TSPAN9: variants seen among roughly 807,000 people sequenced by gnomAD.
TSPAN9 encodes tetraspanin-9.
A neutral mutation model predicts 31.0 loss-of-function variants in TSPAN9; 16 were observed. The ratio of observed to expected loss-of-function variants is 0.52; its 90% CI spans 0.35 to 0.78. The LOEUF is 0.78. Ranked by LOEUF, TSPAN9 falls within the 30% of genes least tolerant of loss-of-function variation. The pLI is 0.01. For missense variants in TSPAN9, 272 were observed against 312.5 expected, an observed-to-expected ratio of 0.87 and a Z score of 0.98; for synonymous variants, 145 against 121.6, an observed-to-expected ratio of 1.19 and a Z score of -1.27.
At chr12:3,202,623 A>T (rs2098372599) in intron 3 of TSPAN9, among the ~76,000 whole-genome samples, 1 of 151,842 alleles carries the variant, frequency 6.6e-6, no homozygotes, top group Non-Finnish European at 1.5e-5. Flanking sequence ...TCCTCACGTC[A>T]CTAGTTACAT....
rs1863001946 is a variant in TSPAN9 at position 3,285,689 on chromosome 12, C to G, written c.*2573C>G. ...TGTGATCTCACTGGGGTAGAATTCC[C>G]CTGAGAGAATTCCCTCACTCACGGC... On this transcript the variant is annotated 3_prime_UTR_variant, in exon 9 of 9. Coordinates refer to ENST00000011898, the MANE Select transcript of TSPAN9 (RefSeq NM_006675.5). The G allele has an allele frequency of 6.6e-6, 1 of 152,226 alleles. No homozygotes were observed. Among genetic ancestry groups the G allele is most frequent in the Non-Finnish European group, 1.5e-5 (1 of 68,050 alleles). 9.4% of individuals were successfully genotyped at this position (152,226 alleles called of 1,614,324 possible). A position where few individuals can be genotyped will look rare whatever the true frequency, so the allele number is the denominator to read the frequency against.
intron 2 of TSPAN9, among the ~76,000 whole-genome samples, chr12:3,112,177 CT>C (rs138645701): frequency 0.45 from 51,318 of 115,210 alleles, 9,842 homozygotes; most frequent in African/African-American, 0.53. Flanking sequence ...TGTAATGTTC[CT>C]TTTTTTTTTT....
chr12:3,247,251 G>A (rs1480100550), intron 3 of TSPAN9, among the ~76,000 whole-genome samples: 1 of 151,004 alleles, frequency 6.6e-6, no homozygotes, highest in African/African-American at 2.4e-5. Flanking sequence ...GAGTCAGAGA[G>A]AGGAGCTGCG....
intron 3 of TSPAN9, among the ~76,000 whole-genome samples, chr12:3,258,098 A>G (rs1486373078): frequency 6.6e-6 from 1 of 152,166 alleles, no homozygotes; most frequent in Non-Finnish European, 1.5e-5. Context: ...ACTCATGGGC[A>G]GTGGGTGCCA....
intron 2 of TSPAN9, among the ~76,000 whole-genome samples, chr12:3,177,459 G>T (rs2098356393): frequency 6.6e-6 from 1 of 152,120 alleles, no homozygotes; most frequent in South Asian, 2.1e-4. Flanking sequence ...TTGAGATGGA[G>T]TCTCGCTCTG....
intron 2 of TSPAN9, among the ~76,000 whole-genome samples, chr12:3,148,550 G>A (rs563247567): frequency 1.1e-4 from 17 of 152,328 alleles, no homozygotes; most frequent in Admixed American, 9.1e-4. Context: ...GAGCGTGGCC[G>A]TGGTTGTGTG....
At chr12:3,204,962 C>T (rs1048907292) in intron 3 of TSPAN9, among the ~76,000 whole-genome samples, 5 of 152,122 alleles carry the variant, frequency 3.3e-5, no homozygotes, top group African/African-American at 7.2e-5. Flanking sequence ...GCAAAGGAGA[C>T]TCGGAGCTTC....
At chr12:3,210,269 AGAT>A (rs1380626105) in intron 3 of TSPAN9, among the ~76,000 whole-genome samples, 9 of 152,186 alleles carry the variant, frequency 5.9e-5, no homozygotes, top group African/African-American at 9.7e-5. Context: ...CACCTTTCCT[AGAT>A]AATGCCAGAT....
At chr12:3,157,661 G>A (rs567796213) in intron 2 of TSPAN9, among the ~76,000 whole-genome samples, 17 of 152,284 alleles carry the variant, frequency 1.1e-4, no homozygotes, top group Admixed American at 7.8e-4. Context: ...ACCTACAGAG[G>A]TCATCTGTCC....
intron 2 of TSPAN9, among the ~76,000 whole-genome samples, chr12:3,136,126 G>A (rs552980454): frequency 1.3e-5 from 2 of 152,322 alleles, no homozygotes; most frequent in South Asian, 4.2e-4. Context: ...AAGAGCAAGG[G>A]CATGCTGCAC....
chr12:3,266,951 A>G (rs1470810169), intron 3 of TSPAN9, among the ~76,000 whole-genome samples: 1 of 152,106 alleles, frequency 6.6e-6, no homozygotes, highest in Non-Finnish European at 1.5e-5. Flanking sequence ...CCTGATACCT[A>G]TTTGTGTAAT....
intron 2 of TSPAN9, among the ~76,000 whole-genome samples, chr12:3,084,598 T>A (rs1430350492): frequency 6.6e-6 from 1 of 152,210 alleles, no homozygotes; most frequent in Non-Finnish European, 1.5e-5. Context: ...ACGTTATACT[T>A]AGGATGCCAG....
intron 2 of TSPAN9, among the ~76,000 whole-genome samples, chr12:3,127,773 T>C (rs1258784967): frequency 6.6e-6 from 1 of 152,208 alleles, no homozygotes; most frequent in Non-Finnish European, 1.5e-5. Context: ...GTACTGTCCA[T>C]AATTGTATGT....
intron 1 of TSPAN9, among the ~76,000 whole-genome samples, chr12:3,081,844 G>GTGTGTGTGTATATATATATATATA (rs57812985): frequency 2.1e-4 from 24 of 116,726 alleles, no homozygotes; most frequent in East Asian, 1.8e-3. Context: ...GTCTGTGTGT[G>GTGTGTGTGTATATATATATATATA]TATATATATG....
At chr12:3,226,763 TATATATATATATATATA>T (rs2098387779) in intron 3 of TSPAN9, among the ~76,000 whole-genome samples, 2 of 2,294 alleles carry the variant, frequency 8.7e-4, no homozygotes, top group Non-Finnish European at 9.4e-4. Context: ...TATATATATA[TATATATATATATATATA>T]TATATATATA....
At chr12:3,109,399 A>C (rs1173813476) in intron 2 of TSPAN9, among the ~76,000 whole-genome samples, 1 of 151,638 alleles carries the variant, frequency 6.6e-6, no homozygotes, top group African/African-American at 2.4e-5. Flanking sequence ...AAGTCTTTAC[A>C]TTTTGAGTGA....
chr12:3,238,298 T>C (rs1421431321), intron 3 of TSPAN9, among the ~76,000 whole-genome samples: 3 of 152,194 alleles, frequency 2.0e-5, no homozygotes, highest in Non-Finnish European at 4.4e-5. Flanking sequence ...TGAGCAACTT[T>C]GACCTGGCTG....
intron 2 of TSPAN9, among the ~76,000 whole-genome samples, chr12:3,091,345 G>T (rs139450255): frequency 6.6e-6 from 1 of 152,182 alleles, no homozygotes; most frequent in African/African-American, 2.4e-5. Flanking sequence ...GTGACTTCCC[G>T]CAAGGTGTTC....
intron 2 of TSPAN9, among the ~76,000 whole-genome samples, chr12:3,149,220 C>A (rs1694005041): frequency 6.6e-6 from 1 of 152,128 alleles, no homozygotes; most frequent in Non-Finnish European, 1.5e-5. Context: ...GAGATGGGGT[C>A]TTTGTTTCTT....
Sources: gnomAD v4.1 joint callset for allele counts (sites outside exome capture counted in the v4.1 genomes callset) on GRCh38, gnomAD v4.1.1 for gene constraint, MANE v1.5 for transcripts, NCBI Gene and HGNC (gene_info 2026-07-23, HGNC 2026-07-21) for gene names.